Variants in EHD3 observed in about 807,000 individuals in gnomAD.
EHD3 encodes EH domain containing 3.
EHD3 carries 17 observed loss-of-function variants against 43.0 expected under a neutral mutation model. That is an observed-to-expected ratio of 0.40 (90% confidence interval 0.27 to 0.59). The LOEUF (loss-of-function observed/expected upper bound fraction) is 0.59. Among genes scored for constraint, EHD3 ranks in the 20% least tolerant of loss-of-function variants. The probability of loss-of-function intolerance (pLI) is 0.49; values close to 1 mark genes in which losing one functional copy is unlikely to be tolerated. For synonymous variants in EHD3, 313 were observed against 289.5 expected (o/e 1.08, Z -0.82); for missense variants, 594 against 705.6 (o/e 0.84, Z 1.79).
rs575385646 is a variant in EHD3, at chr2:31,256,427, C to T, written c.503-4083C>T. Among the ~76,000 whole-genome samples, 4 of 152,334 alleles carry T rather than the reference C, an allele frequency of 2.6e-5. No individual in the cohort carries two copies. In the East Asian group the frequency reaches 5.8e-4, roughly 22 times the overall value. On this transcript the variant is annotated intron_variant, in intron 3 of 5. Coordinates refer to ENST00000322054, the MANE Select transcript of EHD3 (RefSeq NM_014600.3). ...ATGCCAAACGTGGAACAGGTTTCCA[C>T]GTTTTCCACGTTTCACTTCCGTTCA...
intron 3 of EHD3, among the ~76,000 whole-genome samples, chr2:31,253,151 C>T (rs1182096993): frequency 1.6e-5 from 2 of 123,048 alleles, no homozygotes; most frequent in African/African-American, 6.1e-5. Flanking sequence ...CCTCCTTTTA[C>T]GCACACACCC....
intron 5 of EHD3, among the ~76,000 whole-genome samples, chr2:31,264,648 G>A (rs1683911668): frequency 6.9e-6 from 1 of 145,828 alleles, no homozygotes; most frequent in Admixed American, 7.1e-5. Flanking sequence ...ATTCTCCTCA[G>A]CCTCCCGAGT....
chr2:31,244,427 C>T lies in EHD3; in HGVS notation c.381C>T (p.Ala127=). ...DPKKPFRKLN[A]FGNAFLNRFV... is the part of the protein sequence containing the mutation. Reference sequence around the variant, plus strand: ...AGAAACCCTTCAGGAAACTCAACGCCTTTGGCAACGCCTTCTTGAACAGGT... The same window carrying T: ...AGAAACCCTTCAGGAAACTCAACGCTTTTGGCAACGCCTTCTTGAACAGGT... Residue 127 remains alanine, a synonymous_variant, in exon 2 of 6, where the codon GCC becomes GCT. Transcript: ENST00000322054. 4 of 1,614,100 alleles carry T rather than the reference C, an allele frequency of 2.5e-6. No homozygotes were observed. The highest frequency in any genetic ancestry group is 3.4e-6 in the Non-Finnish European group (4 of 1,179,992).
At chr2:31,251,759 C>A (rs571301914) in intron 3 of EHD3, among the ~76,000 whole-genome samples, 1 of 152,128 alleles carries the variant, frequency 6.6e-6, no homozygotes, top group African/African-American at 2.4e-5. Context: ...CCAGCACGCA[C>A]GCTGTAAGCA....
intron 5 of EHD3, 26 bp downstream of exon 5, chr2:31,261,739 C>G: frequency 6.2e-7 from 1 of 1,611,352 alleles, no homozygotes; most frequent in African/African-American, 1.3e-5. Flanking sequence ...GTCTCTAAGA[C>G]AAGGGACAGT....
At chr2:31,245,624 C>T (rs1348805761) in intron 2 of EHD3, among the ~76,000 whole-genome samples, 2 of 141,500 alleles carry the variant, frequency 1.4e-5, no homozygotes, top group Non-Finnish European at 3.0e-5. Flanking sequence ...TGCAATGGCG[C>T]GATCTCAGCT....
At chr2:31,234,990 C>G in intron 1 of EHD3, 142 bp downstream of exon 1, 1 of 804,574 alleles carries the variant, frequency 1.2e-6, no homozygotes, top group South Asian at 1.8e-5. Context: ...TTTGTGCAGG[C>G]GTCAAAATCT....
At chr2:31,235,241 G>A (rs1245600988) in intron 1 of EHD3, among the ~76,000 whole-genome samples, 2 of 152,074 alleles carry the variant, frequency 1.3e-5, no homozygotes, top group African/African-American at 2.4e-5. Flanking sequence ...CATCATTCAC[G>A]GGCAAAACCT....
chr2:31,246,518 G>A (rs1302226107), intron 2 of EHD3, among the ~76,000 whole-genome samples: 5 of 152,096 alleles, frequency 3.3e-5, no homozygotes. Flanking sequence ...CAGGTTTAGT[G>A]GTTAATGCCA....
chr2:31,250,960 G>A (rs142087433), intron 3 of EHD3, among the ~76,000 whole-genome samples: 131 of 152,310 alleles, frequency 8.6e-4, no homozygotes, highest in Non-Finnish European at 1.5e-3. Flanking sequence ...GCCCATGTCT[G>A]TGCCACAATA....
chr2:31,244,691 C>G (rs1683486436), intron 2 of EHD3, among the ~76,000 whole-genome samples: 1 of 152,150 alleles, frequency 6.6e-6, no homozygotes, highest in African/African-American at 2.4e-5. Context: ...ACAACAATGA[C>G]TCAGGTCACA....
At position 31,234,209 on chromosome 2, in the gene EHD3, C is replaced by T. The variant is rs1341236376; in HGVS notation, c.-413C>T. On this transcript the variant is annotated 5_prime_UTR_variant, in exon 1 of 6. Transcript: ENST00000322054. ...GGCAGCGTCGCCGTCTCCCCTGAGC[C>T]GCCTCGGTCCGGCAGGAGCGGAGCC... is the stretch of plus-strand genomic sequence containing the variant. The T allele has an allele frequency of 4.0e-6, 1 of 250,110 alleles. No homozygotes were observed. The highest frequency in any genetic ancestry group is 7.8e-6 in the Non-Finnish European group (1 of 127,744). The allele number at this position is 250,110 out of a possible 1,614,324, so 15.5% of individuals were successfully genotyped here.
rs1178923832 is a variant in EHD3 at position 31,243,443 on chromosome 2, TCTTTCTTTC to T, written c.228-830_228-822del. On this transcript the variant is annotated intron_variant, in intron 1 of 5. Coordinates refer to ENST00000322054, the MANE Select transcript of EHD3 (RefSeq NM_014600.3). ...ATTTTTCTTTCTTTCTTTCTTTCTT[TCTTTCTTTC>T]TTTCTTTCTTTTTTTTTTTTTGAGA... Among the ~76,000 whole-genome samples, 81 of 95,666 alleles carry T rather than the reference TCTTTCTTTC, an allele frequency of 8.5e-4. 2 individuals are homozygous for T. The highest frequency in any genetic ancestry group is 2.2e-3 in the South Asian group (5 of 2,292). 62.8% of individuals were successfully genotyped at this position (95,666 alleles called of 152,430 possible).
In EHD3 at chr2:31,245,553, ATTTTTTTT is replaced by A. The variant is rs1227122252; in HGVS notation, c.404+1118_404+1125del. On this transcript the variant is annotated intron_variant, in intron 2 of 5. Coordinates refer to ENST00000322054, the MANE Select transcript of EHD3 (RefSeq NM_014600.3). ...AATATATATATATATATATATATAT[ATTTTTTTT>A]TTTTTTTTTTTTTTGATGAGATGGA... Among the ~76,000 whole-genome samples the A allele has an allele frequency of 8.4e-3, 293 of 35,016 alleles. 1 individual carries two copies. The highest frequency in any genetic ancestry group is 0.025 in the African/African-American group (275 of 11,046). 23.0% of individuals were successfully genotyped at this position (35,016 alleles called of 152,430 possible).
At chr2:31,250,466 C>A (rs62140709) in intron 3 of EHD3, among the ~76,000 whole-genome samples, 3,460 of 152,188 alleles carry the variant, frequency 0.023, 56 homozygotes, top group Non-Finnish European at 0.033. Context: ...CGGAGTTTTA[C>A]CATGTTGGCC....
intron 1 of EHD3, among the ~76,000 whole-genome samples, chr2:31,242,896 G>T (rs937457333): frequency 6.6e-6 from 1 of 152,064 alleles, no homozygotes; most frequent in African/African-American, 2.4e-5. Flanking sequence ...GGAGGCGGAG[G>T]TTGCAGTGAG....
Position 31,261,685 on chromosome 2 carries a change from G to A in EHD3, c.1052G>A (p.Gly351Glu). 3 of 1,614,202 alleles carry A rather than the reference G, an allele frequency of 1.9e-6. No homozygotes were observed. The African/African-American group carries it at 4.0e-5, about 22-fold the overall frequency. The change falls in exon 5 of 6, where the codon GGG (glycine) becomes GAG (glutamate). Residue 351 changes from glycine to glutamate, a missense_variant. By Grantham distance (98) the Gly-to-Glu change is moderately conservative. Coordinates refer to ENST00000322054, the MANE Select transcript of EHD3 (RefSeq NM_014600.3). The stretch of plus-strand genomic sequence containing the variant: ...GAGCGGGAGCACCAGATCTCACCTG[G>A]GGACTTCCCCAATCTGAAGAGGATG... ...RIEREHQISP[G>E]DFPNLKRMQD...
Position 31,234,955 on chromosome 2 carries a change from G to GT in EHD3, c.227+109dup, listed in dbSNP as rs993267368. Reference sequence around the variant, plus strand: ...ACAGGGGACCAATGGGAAGCCTTCAGTTGAGGGCTCTGAAGAGATCTGTGT... The same window carrying GT: ...ACAGGGGACCAATGGGAAGCCTTCAGTTTGAGGGCTCTGAAGAGATCTGTGT... On this transcript the variant is annotated intron_variant, in intron 1 of 5. Transcript: ENST00000322054. 1.6e-5 allele frequency: 16 copies of GT among 1,026,810 alleles called. No individual in the cohort carries two copies. The African/African-American group carries it at 2.5e-4, about 16-fold the overall frequency. 63.6% of individuals were successfully genotyped at this position (1,026,810 alleles called of 1,614,324 possible). A position where few individuals can be genotyped will look rare whatever the true frequency, so the allele number is the denominator to read the frequency against.
At position 31,261,467 on chromosome 2, in the gene EHD3, G is replaced by C; in HGVS notation, c.916-82G>C. 3 of 1,514,330 alleles carry C rather than the reference G, an allele frequency of 2.0e-6. No individual in the cohort carries two copies. In the South Asian group the frequency reaches 3.7e-5, roughly 19 times the overall value. 93.8% of individuals were successfully genotyped at this position (1,514,330 alleles called of 1,614,324 possible). ...AGGAGGCGGGAGGGATGTAGGGGAA[G>C]GAATGATGCAAGAGCCATCCTAGAA... On this transcript the variant is annotated intron_variant, in intron 4 of 5. Coordinates refer to ENST00000322054, the MANE Select transcript of EHD3 (RefSeq NM_014600.3).
Sources: gnomAD v4.1 joint callset for allele counts (sites outside exome capture counted in the v4.1 genomes callset) on GRCh38, gnomAD v4.1.1 for gene constraint, MANE v1.5 for transcripts, NCBI Gene and HGNC (gene_info 2026-07-23, HGNC 2026-07-21) for gene names.